The following CCDC30 variants were observed in gnomAD, a reference collection of about 807,000 sequenced individuals.
The protein encoded by CCDC30 is coiled-coil domain containing 30.
CCDC30 carries 70 observed loss-of-function variants against 100.2 expected under a neutral mutation model. The observed-to-expected ratio is 0.70, with a 90% CI of 0.58 to 0.85. The LOEUF (loss-of-function observed/expected upper bound fraction) is 0.85. CCDC30 is among the 40% of genes least tolerant of loss of function. The pLI is 0.00. For missense variants in CCDC30, 652 were observed against 771.2 expected (o/e 0.85, Z 1.83); for synonymous variants, 233 against 269.5 (o/e 0.86, Z 1.33).
intron 6 of CCDC30, among the ~76,000 whole-genome samples, chr1:42,526,000 C>A (rs1644718667): frequency 6.6e-6 from 1 of 152,180 alleles, no homozygotes; most frequent in Non-Finnish European, 1.5e-5. Flanking sequence ...CTGCAGATTT[C>A]TGCAGTTCTT....
intron 9 of CCDC30, among the ~76,000 whole-genome samples, chr1:42,583,064 A>C (rs186225460): frequency 6.6e-6 from 1 of 152,340 alleles, no homozygotes; most frequent in Non-Finnish European, 1.5e-5. Context: ...AGGGCACAAA[A>C]AAATTATTTT....
In CCDC30 at chr1:42,608,252, A is replaced by G. The variant is rs556663242; in HGVS notation, c.1165-2726A>G. On this transcript the variant is annotated intron_variant, in intron 10 of 16. Transcript: ENST00000668663. ...TACTCTATGGAAAGGATTGTCAACT[A>G]TGGAAGAGAACCCCGATAGAGAGAG... is the stretch of plus-strand genomic sequence containing the variant. Among the ~76,000 whole-genome samples, 72 of 152,362 alleles carry G rather than the reference A, an allele frequency of 4.7e-4. 1 individual carries two copies. Among genetic ancestry groups the G allele is most frequent in the Middle Eastern group, 3.4e-3 (1 of 294 alleles).
chr1:42,539,054 A>C (rs1644962660), intron 6 of CCDC30, 119 bp from the exon 8 acceptor site: 4 of 714,902 alleles, frequency 5.6e-6, no homozygotes, highest in Non-Finnish European at 8.3e-6. Flanking sequence ...ATAGGTTGGA[A>C]TATTTAAAAC....
At chr1:42,475,359 T>G (rs1322906884) in intron 1 of CCDC30, among the ~76,000 whole-genome samples, 1 of 152,180 alleles carries the variant, frequency 6.6e-6, no homozygotes, top group Non-Finnish European at 1.5e-5. Flanking sequence ...GTGTTTTTTT[T>G]AGGTGGAAAA....
intron 12 of CCDC30, among the ~76,000 whole-genome samples, chr1:42,642,034 G>A (rs1647462955): frequency 1.3e-5 from 2 of 152,024 alleles, no homozygotes; most frequent in East Asian, 1.9e-4. Context: ...GACCATCCTG[G>A]CTAACACGGT....
intron 9 of CCDC30, among the ~76,000 whole-genome samples, chr1:42,586,242 T>TGATAAGGAGATAAG (rs1553199868): frequency 6.6e-6 from 1 of 152,072 alleles, no homozygotes; most frequent in African/African-American, 2.4e-5. Flanking sequence ...GGGACAGTGG[T>TGATAAGGAGATAAG]GAGAAAATGA....
chr1:42,605,893 C>A (rs1646491878), intron 10 of CCDC30, among the ~76,000 whole-genome samples: 1 of 152,092 alleles, frequency 6.6e-6, no homozygotes, highest in East Asian at 1.9e-4. Flanking sequence ...TGACTGTGAA[C>A]AACATGGGTT....
At position 42,646,130 on chromosome 1, in the gene CCDC30, C is replaced by T. The variant is rs1647859805; in HGVS notation, c.1672-5C>T. 3.2e-6 allele frequency: 5 copies of T among 1,565,410 alleles called. No individual in the cohort carries two copies. The highest frequency in any genetic ancestry group is 1.4e-5 in the African/African-American group (1 of 72,534). On this transcript the variant is annotated splice_polypyrimidine_tract_variant and splice_region_variant and intron_variant, in intron 14 of 16. Coordinates refer to ENST00000668663, the Ensembl canonical transcript of CCDC30. ...AAATAACTCCAAAATTGTTTTTAAA[C>T]TTAGAATCTTAAGGAGTTTCCTGTT... is the stretch of plus-strand genomic sequence containing the variant.
At chr1:42,485,778 A>T (rs531660335) in intron 3 of CCDC30, among the ~76,000 whole-genome samples, 1 of 152,324 alleles carries the variant, frequency 6.6e-6, no homozygotes, top group East Asian at 1.9e-4. Flanking sequence ...GAGGTGATAG[A>T]TGTGTTAATT....
intron 7 of CCDC30, among the ~76,000 whole-genome samples, chr1:42,572,326 C>T (rs1165535919): frequency 6.6e-6 from 1 of 152,098 alleles, no homozygotes; most frequent in African/African-American, 2.4e-5. Context: ...TTGTGAAGTG[C>T]TTGTTCAAGA....
intron 8 of CCDC30, among the ~76,000 whole-genome samples, chr1:42,577,440 G>T (rs908326111): frequency 6.6e-6 from 1 of 151,966 alleles, no homozygotes; most frequent in African/African-American, 2.4e-5. Flanking sequence ...GGCTTAAAAA[G>T]GTCAGTTTTA....
exon 12 of CCDC30, chr1:42,637,258 C>G (rs1195556003): frequency 6.3e-7 from 1 of 1,583,162 alleles, no homozygotes; most frequent in Non-Finnish European, 8.5e-7. Flanking sequence ...AGAAACATCA[C>G]CAACAAAAAG....
intron 6 of CCDC30, among the ~76,000 whole-genome samples, chr1:42,552,616 A>G (rs1645276260): frequency 6.6e-6 from 1 of 151,270 alleles, no homozygotes; most frequent in Non-Finnish European, 1.5e-5. Flanking sequence ...TTTAAAAAAA[A>G]TTATTTTGAG....
At chr1:42,655,087 G>T (rs1648616005), downstream of CCDC30, among the ~76,000 whole-genome samples, 1 of 151,994 alleles carries the variant, frequency 6.6e-6, no homozygotes, top group South Asian at 2.1e-4. Context: ...TTATAATATT[G>T]TATATTCATT....
chr1:42,456,498 A>G, the CCDC30 span: 1 of 1,408,192 alleles, frequency 7.1e-7, no homozygotes, highest in Non-Finnish European at 9.3e-7. Context: ...CGCGTACACC[A>G]GGTAGGCGAG....
intron 11 of CCDC30, among the ~76,000 whole-genome samples, chr1:42,632,002 G>A (rs1328632035): frequency 1.3e-5 from 2 of 152,158 alleles, no homozygotes; most frequent in African/African-American, 4.8e-5. Context: ...TATGCTGTAA[G>A]ACTAAGTCCC....
chr1:42,505,214 G>T (rs1644376861), intron 6 of CCDC30, among the ~76,000 whole-genome samples: 1 of 152,184 alleles, frequency 6.6e-6, no homozygotes, highest in African/African-American at 2.4e-5. Flanking sequence ...TTTTCCTAAA[G>T]AAATTTCTGC....
At chr1:42,610,329 A>G (rs997769977) in intron 10 of CCDC30, among the ~76,000 whole-genome samples, 1 of 152,242 alleles carries the variant, frequency 6.6e-6, no homozygotes, top group Non-Finnish European at 1.5e-5. Flanking sequence ...CACTGCAGTC[A>G]CTTATAGAAC....
At chr1:42,504,686 G>A (rs751855505) in intron 6 of CCDC30, among the ~76,000 whole-genome samples, 1 of 152,192 alleles carries the variant, frequency 6.6e-6, no homozygotes, top group Non-Finnish European at 1.5e-5. Flanking sequence ...AGAGTAACTA[G>A]TGTTAACCTT....
Sources: allele counts gnomAD v4.1 joint callset (sites outside exome capture counted in the v4.1 genomes callset), GRCh38; gene constraint gnomAD v4.1.1; transcripts MANE v1.5; gene names NCBI Gene and HGNC (gene_info 2026-07-23, HGNC 2026-07-21).